The following TMEM117 variants were observed in gnomAD, a reference collection of about 807,000 sequenced individuals.
The protein encoded by TMEM117 is transmembrane protein 117.
In TMEM117, 27 loss-of-function variants were observed where a neutral mutation model predicts 52.4. The ratio of observed to expected loss-of-function variants is 0.51; its 90% CI spans 0.38 to 0.71. TMEM117 has a LOEUF of 0.71. Ranked by LOEUF, TMEM117 falls within the 30% of genes least tolerant of loss-of-function variation. The probability of loss-of-function intolerance (pLI) is 0.00; values close to 1 mark genes in which losing one functional copy is unlikely to be tolerated. For missense variants in TMEM117, 556 were observed against 630.5 expected, an observed-to-expected ratio of 0.88 and a Z score of 1.26; for synonymous variants, 215 against 206.3, an observed-to-expected ratio of 1.04 and a Z score of -0.36.
At chr12:44,074,120 C>T (rs1320914367) in intron 3 of TMEM117, among the ~76,000 whole-genome samples, 3 of 151,900 alleles carry the variant, frequency 2.0e-5, no homozygotes. Flanking sequence ...TACAAAGCCA[C>T]AAATAAAAGT....
At chr12:44,341,905 G>A (rs1951422674) in intron 6 of TMEM117, among the ~76,000 whole-genome samples, 1 of 152,110 alleles carries the variant, frequency 6.6e-6, no homozygotes, top group East Asian at 1.9e-4. Flanking sequence ...CTCCAGCAGA[G>A]GCTGACGTGG....
downstream of TMEM117, among the ~76,000 whole-genome samples, chr12:44,391,194 A>G (rs1952160074): frequency 6.6e-6 from 1 of 152,198 alleles, no homozygotes; most frequent in African/African-American, 2.4e-5. Context: ...TTAGTATCCT[A>G]CATTTATAAA....
At chr12:43,976,018 C>T (rs1945665180) in intron 3 of TMEM117, among the ~76,000 whole-genome samples, 1 of 152,112 alleles carries the variant, frequency 6.6e-6, no homozygotes, top group Admixed American at 6.6e-5. Flanking sequence ...ATCAGAATTA[C>T]AAAAAGTATC....
intron 5 of TMEM117, among the ~76,000 whole-genome samples, chr12:44,259,092 G>A: frequency 6.6e-6 from 1 of 152,062 alleles, no homozygotes. Flanking sequence ...TTAGTGTTCT[G>A]TTATCCCTTT....
chr12:44,037,458 C>T (rs766622574), intron 3 of TMEM117, among the ~76,000 whole-genome samples: 17 of 152,238 alleles, frequency 1.1e-4, no homozygotes, highest in South Asian at 6.2e-4. Flanking sequence ...CCTGCCGCCT[C>T]GGCCCCTCCA....
intron 7 of TMEM117, among the ~76,000 whole-genome samples, chr12:44,377,059 G>A (rs772406402): frequency 1.3e-5 from 2 of 152,154 alleles, no homozygotes; most frequent in Non-Finnish European, 2.9e-5. Context: ...TTCCATTGAT[G>A]ATAACTGGTA....
intron 4 of TMEM117, among the ~76,000 whole-genome samples, chr12:44,190,059 T>A (rs961667508): frequency 6.6e-6 from 1 of 152,190 alleles, no homozygotes; most frequent in Non-Finnish European, 1.5e-5. Context: ...CCACATGAAC[T>A]GTGCGCACAG....
intron 6 of TMEM117, among the ~76,000 whole-genome samples, chr12:44,310,784 A>G (rs1388888477): frequency 1.3e-5 from 2 of 152,174 alleles, no homozygotes; most frequent in African/African-American, 4.8e-5. Context: ...GATTCTTGCA[A>G]TCATAGTTAC....
At chr12:44,218,253 C>G (rs73102919) in intron 5 of TMEM117, among the ~76,000 whole-genome samples, 14,447 of 149,282 alleles carry the variant, frequency 0.097, 870 homozygotes, top group Middle Eastern at 0.18. Context: ...ACTAGCAAAC[C>G]AACTTCAACA....
intron 6 of TMEM117, among the ~76,000 whole-genome samples, chr12:44,316,772 A>T (rs1951059740): frequency 6.6e-6 from 1 of 152,040 alleles, no homozygotes; most frequent in Admixed American, 6.5e-5. Flanking sequence ...GACTTTGTTC[A>T]TTAAAATTTT....
intron 3 of TMEM117, among the ~76,000 whole-genome samples, chr12:43,946,394 TG>T (rs60733328): frequency 0.46 from 29,903 of 65,126 alleles, 4,507 homozygotes; most frequent in African/African-American, 0.58. Context: ...TTTTTTTTTT[TG>T]TTTGTTTTTT....
At chr12:43,910,028 A>ATTGTGT (rs1944468202) in intron 2 of TMEM117, among the ~76,000 whole-genome samples, 1 of 129,008 alleles carries the variant, frequency 7.8e-6, no homozygotes, top group Admixed American at 8.5e-5. Flanking sequence ...AAAGCCAGGC[A>ATTGTGT]GAGACACAAC....
intron 3 of TMEM117, among the ~76,000 whole-genome samples, chr12:44,104,854 T>G (rs866445284): frequency 6.6e-6 from 1 of 152,046 alleles, no homozygotes; most frequent in Admixed American, 6.6e-5. Context: ...AATTCTTATC[T>G]TTACACCTCT....
intron 2 of TMEM117, among the ~76,000 whole-genome samples, chr12:43,872,738 A>G (rs944266878): frequency 1.4e-4 from 22 of 152,324 alleles, no homozygotes; most frequent in African/African-American, 4.8e-4. Context: ...TCTACCATCA[A>G]GTAGTGTGTC....
intron 3 of TMEM117, among the ~76,000 whole-genome samples, chr12:44,088,991 C>G (rs767604084): frequency 1.3e-5 from 2 of 152,144 alleles, no homozygotes; most frequent in Non-Finnish European, 2.9e-5. Flanking sequence ...TTGGGCAAAT[C>G]AAAATGACAG....
chr12:44,314,785 G>C (rs753117295), intron 6 of TMEM117, among the ~76,000 whole-genome samples: 1 of 152,038 alleles, frequency 6.6e-6, no homozygotes, highest in Non-Finnish European at 1.5e-5. Flanking sequence ...TATGAGTTAG[G>C]CAGGAGCCCA....
chr12:43,917,508 G>C (rs578065305), intron 2 of TMEM117, among the ~76,000 whole-genome samples: 1 of 152,258 alleles, frequency 6.6e-6, no homozygotes, highest in African/African-American at 2.4e-5. Context: ...ACCAGAAGCA[G>C]GGAGAAGTTA....
chr12:44,376,211 T>C (rs1951939116), intron 6 of TMEM117, among the ~76,000 whole-genome samples: 1 of 152,210 alleles, frequency 6.6e-6, no homozygotes, highest in South Asian at 2.1e-4. Flanking sequence ...GGTTCATACT[T>C]TTTAAAAGTC....
chr12:44,344,099 G>T (rs956089540), intron 6 of TMEM117, among the ~76,000 whole-genome samples: 24 of 152,128 alleles, frequency 1.6e-4, no homozygotes, highest in African/African-American at 5.5e-4. Flanking sequence ...AAATAAGTAG[G>T]GAGAGCAGGC....
Sources: allele counts gnomAD v4.1 joint callset (sites outside exome capture counted in the v4.1 genomes callset), GRCh38; gene constraint gnomAD v4.1.1; transcripts MANE v1.5; gene names NCBI Gene and HGNC (gene_info 2026-07-23, HGNC 2026-07-21).